Variants in PKN2 observed in about 807,000 individuals in gnomAD.
The protein encoded by PKN2 is serine/threonine-protein kinase N2.
In PKN2, 38 loss-of-function variants were observed where a neutral mutation model predicts 119.1. That is an observed-to-expected ratio of 0.32 (90% CI 0.25 to 0.42). The LOEUF is 0.42. Among genes scored for constraint, PKN2 ranks in the 10% least tolerant of loss-of-function variants. The probability of loss-of-function intolerance (pLI) is 1.00; values close to 1 mark genes in which losing one functional copy is unlikely to be tolerated. For synonymous variants in PKN2, 390 were observed against 384.9 expected (o/e 1.01, Z -0.15); for missense variants, 850 against 1,165.1 (o/e 0.73, Z 3.94).
rs755344967 is a variant in PKN2, at chr1:88,784,654, G to A, written c.1001G>A (p.Arg334His). ...PAALTGTLEV[R>H]LMGCQDILEN... ...TTGCCAACAGGTACTTTGGAAGTTC[G>A]TCTTATGGGCTGCCAAGATATCCTA... The change falls in exon 7 of 22, where the codon CGT becomes CAT. Residue 334 changes from arginine (R) to histidine (H), a missense_variant. Arg to His is a conservative substitution (Grantham distance 29). This residue lies in a region of PKN2 where 350 missense variants were observed against 511.1 expected (regional missense o/e 0.68). Transcript: ENST00000370521. The A allele has an allele frequency of 7.0e-6, 11 of 1,575,428 alleles. No individual in the cohort carries two copies. Among genetic ancestry groups the A allele is most frequent in the African/African-American group, 1.4e-5 (1 of 72,856 alleles).
chr1:88,741,270 G>A lies in PKN2; in HGVS notation c.331G>A (p.Asp111Asn). 1 of 1,575,896 alleles carries A rather than the reference G, an allele frequency of 6.3e-7. No homozygotes were observed. Among genetic ancestry groups the A allele is most frequent in the Non-Finnish European group, 8.6e-7 (1 of 1,165,390 alleles). The change falls in exon 2 of 22, where the codon GAT becomes AAT. Residue 111 changes from aspartate to asparagine, a missense_variant. This residue lies in a region of PKN2 where 350 missense variants were observed against 511.1 expected (regional missense o/e 0.68). Coordinates refer to ENST00000370521, the MANE Select transcript of PKN2 (RefSeq NM_006256.4). Reference sequence around the variant, plus strand: ...ATTAAATGCACATATTGTTGTATCAGATCCAGAAGATATTACAGGTATAGT... The same window carrying A: ...ATTAAATGCACATATTGTTGTATCAAATCCAGAAGATATTACAGGTATAGT... ...QELNAHIVVS[D>N]PEDITDCPRT...
At chr1:88,741,748 CAAGT>C (rs1283886643) in intron 2 of PKN2, among the ~76,000 whole-genome samples, 1 of 151,804 alleles carries the variant, frequency 6.6e-6, no homozygotes, top group Admixed American at 6.6e-5. Context: ...ACTGAATTAA[CAAGT>C]AAACTACTAG....
At chr1:88,816,615 T>G (rs1672007137) in intron 16 of PKN2, among the ~76,000 whole-genome samples, 1 of 152,200 alleles carries the variant, frequency 6.6e-6, no homozygotes, top group African/African-American at 2.4e-5. Context: ...TTCTGGTAAG[T>G]TGTTTAATTT....
chr1:88,764,543 T>C (rs1284480097), intron 3 of PKN2, among the ~76,000 whole-genome samples: 1 of 152,258 alleles, frequency 6.6e-6, no homozygotes, highest in African/African-American at 2.4e-5. Flanking sequence ...AATAGTTTGC[T>C]ACAAATACTC....
chr1:88,772,014 T>G (rs1481421281), intron 6 of PKN2, 135 bp downstream of exon 6: 7 of 622,274 alleles, frequency 1.1e-5, no homozygotes, highest in Non-Finnish European at 1.9e-5. Context: ...ATTTGTTGTA[T>G]TAACCATTTT....
At chr1:88,828,417 G>C (rs2100930944) in intron 18 of PKN2, 64 bp from the exon 19 acceptor site, 3 of 1,418,172 alleles carry the variant, frequency 2.1e-6, no homozygotes, top group Non-Finnish European at 2.9e-6. Flanking sequence ...AGATAGCTTT[G>C]ATTTTTTTTT....
In PKN2 at chr1:88,821,977, T is replaced by C. The variant is rs1672313620; in HGVS notation, c.2316T>C (p.Tyr772=). 6.3e-7 allele frequency: 1 copy of C among 1,579,014 alleles called. No homozygotes were observed. The highest frequency in any genetic ancestry group is 2.3e-5 in the East Asian group (1 of 43,424). ...CTTGTGTAGTTCTTGGGTTGCAGTATTTACATGAACACAAAATTGTTTATA... is the reference window on the plus strand; with the variant it reads ...CTTGTGTAGTTCTTGGGTTGCAGTACTTACATGAACACAAAATTGTTTATA... The part of the protein sequence containing the change: ...YAACVVLGLQ[Y]LHEHKIVYRD... The change falls in exon 17 of 22, where the codon TAT becomes TAC. Residue 772 remains tyrosine, a synonymous_variant. Coordinates refer to ENST00000370521, the MANE Select transcript of PKN2 (RefSeq NM_006256.4).
At chr1:88,771,989 T>C (rs1357358559) in intron 6 of PKN2, 110 bp downstream of exon 6, 4 of 687,172 alleles carry the variant, frequency 5.8e-6, no homozygotes, top group Non-Finnish European at 9.9e-6. Context: ...TATGATAAGA[T>C]ACACATAGAA....
rs1425637182 is a variant in PKN2 at position 88,741,546 on chromosome 1, AGAGT to A, written c.349+263_349+266del. Among the ~76,000 whole-genome samples the A allele has an allele frequency of 2.6e-5, 4 of 152,274 alleles. No homozygotes were observed. In the East Asian group the frequency reaches 7.7e-4, roughly 29 times the overall value. On this transcript the variant is annotated intron_variant, in intron 2 of 21. Coordinates refer to ENST00000370521, the MANE Select transcript of PKN2 (RefSeq NM_006256.4). Reference sequence around the variant, plus strand: ...ACTCTCTATCAGTAGGACGTTACTTAGAGTGAGTCTCCAGTATTAATGTTTTGTA... The same window carrying A: ...ACTCTCTATCAGTAGGACGTTACTTAGAGTCTCCAGTATTAATGTTTTGTA...
intron 1 of PKN2, among the ~76,000 whole-genome samples, chr1:88,728,684 T>G (rs1180423004): frequency 6.6e-6 from 1 of 152,124 alleles, no homozygotes; most frequent in Non-Finnish European, 1.5e-5. Context: ...AATGATTCAG[T>G]AAATGGATGG....
At chr1:88,712,841 A>T (rs907158334) in intron 1 of PKN2, among the ~76,000 whole-genome samples, 2 of 152,160 alleles carry the variant, frequency 1.3e-5, no homozygotes, top group Non-Finnish European at 2.9e-5. Flanking sequence ...TTTGTTACAT[A>T]TGTATACATG....
chr1:88,707,444 T>G (rs1224910362), intron 1 of PKN2, among the ~76,000 whole-genome samples: 5 of 152,046 alleles, frequency 3.3e-5, no homozygotes, highest in Non-Finnish European at 5.9e-5. Context: ...TATAAATCTG[T>G]TTTTTTGTAT....
chr1:88,796,521 T>C (rs1671073318), intron 8 of PKN2, among the ~76,000 whole-genome samples: 1 of 152,230 alleles, frequency 6.6e-6, no homozygotes, highest in Non-Finnish European at 1.5e-5. Context: ...TGAAACTGTT[T>C]CCTATCCCTA....
chr1:88,734,347 C>T (rs1668258645), intron 1 of PKN2, among the ~76,000 whole-genome samples: 1 of 152,088 alleles, frequency 6.6e-6, no homozygotes, highest in Non-Finnish European at 1.5e-5. Flanking sequence ...TGGGGTCTTA[C>T]ATTTAAGTCT....
chr1:88,818,379 G>A (rs1672101361), intron 16 of PKN2, among the ~76,000 whole-genome samples: 1 of 152,170 alleles, frequency 6.6e-6, no homozygotes, highest in Admixed American at 6.5e-5. Context: ...TGGGTGTGGT[G>A]GCTCACGCCT....
At chr1:88,775,496 T>G (rs1169725050) in intron 6 of PKN2, among the ~76,000 whole-genome samples, 2 of 152,232 alleles carry the variant, frequency 1.3e-5, no homozygotes, top group Non-Finnish European at 1.5e-5. Context: ...CATAATTTAT[T>G]TATTCATTCA....
intron 17 of PKN2, among the ~76,000 whole-genome samples, chr1:88,823,261 G>A (rs1672366925): frequency 6.6e-6 from 1 of 152,074 alleles, no homozygotes; most frequent in African/African-American, 2.4e-5. Context: ...ATAAAATATT[G>A]TCAGTTTGCC....
intron 19 of PKN2, 85 bp from the exon 20 acceptor site, chr1:88,832,659 C>T: frequency 1.5e-6 from 1 of 679,694 alleles, no homozygotes; most frequent in South Asian, 2.0e-5. Flanking sequence ...TTTTCACTGC[C>T]TGGATCTTGG....
intron 1 of PKN2, among the ~76,000 whole-genome samples, chr1:88,740,584 T>C (rs1463087679): frequency 6.6e-6 from 1 of 152,142 alleles, no homozygotes; most frequent in Non-Finnish European, 1.5e-5. Context: ...AGGTGGCTAC[T>C]ATTATTATTT....
Sources: gnomAD v4.1 joint callset for allele counts (sites outside exome capture counted in the v4.1 genomes callset) on GRCh38, gnomAD v4.1.1 for gene constraint, gnomAD v4.1.1 regional missense constraint, MANE v1.5 for transcripts, NCBI Gene and HGNC (gene_info 2026-07-23, HGNC 2026-07-21) for gene names.